SPTB: variants seen among roughly 807,000 people sequenced by gnomAD.
SPTB encodes spectrin beta chain, erythrocytic.
SPTB carries 45 observed loss-of-function variants against 256.2 expected under a neutral mutation model. The ratio of observed to expected loss-of-function variants is 0.18; its 90% CI spans 0.14 to 0.23. The LOEUF is 0.23. Among genes scored for constraint, SPTB ranks in the 10% least tolerant of loss-of-function variants. SPTB has a pLI of 1.00. For missense variants in SPTB, 2,715 were observed against 3,040.4 expected (o/e 0.89, Z 2.52); for synonymous variants, 1,231 against 1,243.1 (o/e 0.99, Z 0.21).
intron 18 of SPTB, 41 bp from the exon 19 acceptor site, chr14:64,784,434 T>C: frequency 6.2e-7 from 1 of 1,612,280 alleles, no homozygotes; most frequent in South Asian, 1.1e-5. Context: ...CTGAGTATAT[T>C]TCTTTGGCAG....
rs1486360369 is a variant in SPTB at position 64,749,747 on chromosome 14, T to A, written c.6777-51A>T. ...ATGGAGACACCTCTGGAGGGGGCGC[T>A]GGGCAGAGGGCTGGCTCTGATCCCA... On this transcript the variant is annotated intron_variant, in intron 34 of 35. Transcript: ENST00000644917. The surrounding 1 kb of genome is among the most constrained non-coding windows in gnomAD (Gnocchi z 4.7). 1.1e-5 allele frequency: 18 copies of A among 1,600,946 alleles called. No individual in the cohort carries two copies. The highest frequency in any genetic ancestry group is 1.5e-5 in the Non-Finnish European group (18 of 1,172,774).
rs1418612849 is a variant in SPTB, at chr14:64,786,806, C to T, written c.3159G>A (p.Gln1053=). Residue 1053 remains glutamine (Q), a synonymous_variant, in exon 16 of 36, where the codon CAG becomes CAA. Transcript: ENST00000644917. The surrounding 1 kb of genome is among the most constrained non-coding windows in gnomAD (Gnocchi z 5.6). ...GGCTGACTTCCCCCAGCAAGTCCTC[C>T]TGGCCCTGCAGGGATTGCTGCAGGC... The part of the protein sequence containing the change: ...WQGLQQSLQG[Q]EDLLGEVSQL... The T allele has an allele frequency of 6.2e-7, 1 of 1,613,974 alleles. No individual in the cohort carries two copies. Among genetic ancestry groups the T allele is most frequent in the African/African-American group, 1.3e-5 (1 of 74,928 alleles).
chr14:64,856,073 A>G (rs1163155057), intron 1 of SPTB, among the ~76,000 whole-genome samples: 1 of 152,234 alleles, frequency 6.6e-6, no homozygotes, highest in Non-Finnish European at 1.5e-5. Flanking sequence ...GGTTCAGGGG[A>G]GGGAAGAAAT....
In SPTB at chr14:64,851,460, C is replaced by CAGTAGT. The variant is rs576232036; in HGVS notation, c.-51-28321_-51-28316dup. On this transcript the variant is annotated intron_variant, in intron 1 of 35. Transcript: ENST00000644917. ...TTAATATCAGTAGCAGTAGCAGTAG[C>CAGTAGT]AGTAGTAGTAGTAGTAGTAGCAGTA... Among the ~76,000 whole-genome samples, 457 of 151,680 alleles carry CAGTAGT rather than the reference C, an allele frequency of 3.0e-3. 1 individual carries two copies. The highest frequency in any genetic ancestry group is 7.9e-3 in the African/African-American group (325 of 41,356).
chr14:64,833,367 A>G (rs556225190), intron 1 of SPTB, among the ~76,000 whole-genome samples: 1 of 152,268 alleles, frequency 6.6e-6, no homozygotes, highest in South Asian at 2.1e-4. Context: ...GCTGGCCAAC[A>G]TGGTGAAACA....
intron 2 of SPTB, among the ~76,000 whole-genome samples, chr14:64,808,325 T>C (rs938466389): frequency 9.2e-5 from 14 of 152,186 alleles, no homozygotes; most frequent in Non-Finnish European, 1.9e-4. Flanking sequence ...TCTGTTCCTT[T>C]CTTTCCCTTT....
Position 64,786,275 on chromosome 14 carries a change from C to T in SPTB, c.3561+129G>A. The T allele has an allele frequency of 7.6e-7, 1 of 1,316,314 alleles. No homozygotes were observed. Among genetic ancestry groups the T allele is most frequent in the Admixed American group, 1.7e-5 (1 of 59,422 alleles). 81.5% of individuals were successfully genotyped at this position (1,316,314 alleles called of 1,614,324 possible). On this transcript the variant is annotated intron_variant, in intron 16 of 35. Transcript: ENST00000644917. The surrounding 1 kb of genome is among the most constrained non-coding windows in gnomAD (Gnocchi z 5.6). ...CCCCTAATGAGAAACAAAGATTTCC[C>T]CCATGAGTGAATACAGAGTACAAGA...
intron 26 of SPTB, among the ~76,000 whole-genome samples, chr14:64,771,493 T>G (rs1290463670): frequency 1.3e-5 from 2 of 152,162 alleles, no homozygotes; most frequent in Non-Finnish European, 2.9e-5. Context: ...CTATTACTAT[T>G]GCTGTTTCTG....
chr14:64,821,555 A>G (rs984597118), intron 2 of SPTB, among the ~76,000 whole-genome samples: 40 of 150,856 alleles, frequency 2.7e-4, no homozygotes, highest in Non-Finnish European at 4.4e-4. Flanking sequence ...GCACAGAGAT[A>G]TAAGAAGGTA....
rs1476345998 is a variant in SPTB at position 64,801,298 on chromosome 14, G to A, written c.750C>T (p.Leu250=). The A allele has an allele frequency of 6.2e-7, 1 of 1,613,852 alleles. No individual in the cohort carries two copies. Among genetic ancestry groups the A allele is most frequent in the East Asian group, 2.2e-5 (1 of 44,886 alleles). The part of the protein sequence containing the change: ...VAERQLGIIP[L]LDPEDVFTEN... ...GGTGTGGCTCACCTTCGGGGTCGAG[G>A]AGCGGGATGATGCCCAGCTGGCGCT... is the stretch of plus-strand genomic sequence containing the variant. Residue 250 remains leucine, a synonymous_variant, in exon 7 of 36, where the codon CTC becomes CTT. Transcript: ENST00000644917.
In SPTB at chr14:64,786,972, G is replaced by A; in HGVS notation, c.2993C>T (p.Ser998Leu). The change falls in exon 16 of 36, where the codon TCA becomes TTA. Residue 998 changes from serine (S) to leucine (L), a missense_variant. Around this residue, in one of 4 missense-constraint regions of SPTB, gnomAD observed 2,239 missense variants for 2,384.4 expected, o/e 0.94. Transcript: ENST00000644917. The surrounding 1 kb of genome is among the most constrained non-coding windows in gnomAD (Gnocchi z 5.6). Reference sequence around the variant, plus strand: ...GGCGGCCACGTCACGCTCCAGCCCTGACAACTTCCTCTGGATGGCGATGAT... The same window carrying A: ...GGCGGCCACGTCACGCTCCAGCCCTAACAACTTCCTCTGGATGGCGATGAT... ...AGIIAIQRKL[S>L]GLERDVAAIQ... 1.2e-6 allele frequency: 2 copies of A among 1,614,046 alleles called. No homozygotes were observed. Among genetic ancestry groups the A allele is most frequent in the Non-Finnish European group, 1.7e-6 (2 of 1,180,026 alleles).
chr14:64,850,970 TTCTG>T (rs1266057473), intron 1 of SPTB, among the ~76,000 whole-genome samples: 5 of 152,202 alleles, frequency 3.3e-5, no homozygotes, highest in East Asian at 1.9e-4. Flanking sequence ...CAGGTCTTCT[TTCTG>T]TCTATGTACA....
At chr14:64,871,026 G>A (rs1035172087) in intron 1 of SPTB, among the ~76,000 whole-genome samples, 6 of 152,220 alleles carry the variant, frequency 3.9e-5, no homozygotes, top group Non-Finnish European at 5.9e-5. Context: ...CAATGTGAAT[G>A]TGCTTATGCC....
chr14:64,754,061 A>C, intron 32 of SPTB: 3 of 565,710 alleles, frequency 5.3e-6, no homozygotes, highest in Non-Finnish European at 6.4e-6. Flanking sequence ...CCAATGTAAC[A>C]TAGCAACGGA....
rs59708222 is a variant in SPTB at position 64,783,208 on chromosome 14, A to ATT, written c.4003-657_4003-656dup. ...GAATCTATATCACTAATAATAGTTAATTTTTTTTTTTTTGAGACAGCGTCT... is the reference window on the plus strand; with the variant it reads ...GAATCTATATCACTAATAATAGTTAATTTTTTTTTTTTTTTGAGACAGCGTCT... On this transcript the variant is annotated intron_variant, in intron 19 of 35. Transcript: ENST00000644917. 2.1e-3 allele frequency among the ~76,000 whole-genome samples: 313 copies of ATT among 146,620 alleles called. 2 individuals are homozygous for ATT. The highest frequency in any genetic ancestry group is 7.0e-3 in the African/African-American group (281 of 40,208).
At chr14:64,820,780 C>T (rs765123728) in intron 2 of SPTB, among the ~76,000 whole-genome samples, 2 of 152,144 alleles carry the variant, frequency 1.3e-5, no homozygotes, top group Non-Finnish European at 1.5e-5. Context: ...AAGCAATTCT[C>T]GTGCCTCAGC....
In SPTB at chr14:64,822,993, G is replaced by A. The variant is rs528882023; in HGVS notation, c.102C>T (p.Asn34=). The A allele has an allele frequency of 1.6e-4, 266 of 1,614,080 alleles. 2 individuals carry two copies. The South Asian group carries it at 2.6e-3, about 16-fold the overall frequency. ...DAPDDELDND[N]SSARLFERSR... ...ACCTCTCAAAGAGCCTGGCTGAGCT[G>A]TTGTCATTATCCAGCTCGTCGTCTG... is the stretch of plus-strand genomic sequence containing the variant. Residue 34 remains asparagine, a synonymous_variant, in exon 2 of 36, where the codon AAC becomes AAT. Transcript: ENST00000644917.
Position 64,796,437 on chromosome 14 carries a change from G to T in SPTB, c.1341+120C>A. The T allele has an allele frequency of 7.7e-7, 1 of 1,301,412 alleles. No homozygotes were observed. Among genetic ancestry groups the T allele is most frequent in the Non-Finnish European group, 1.1e-6 (1 of 907,354 alleles). 80.6% of individuals were successfully genotyped at this position (1,301,412 alleles called of 1,614,324 possible). ...TCTTGATCCACTGGATCACGGGGGA[G>T]CTGTGCTGCAAGGCACGAGGAGAGG... On this transcript the variant is annotated intron_variant, in intron 11 of 35. Coordinates refer to ENST00000644917, the MANE Select transcript of SPTB (RefSeq NM_001355436.2). This position sits in a 1 kb window ranked among gnomAD's most constrained non-coding sequence, Gnocchi z 4.1.
chr14:64,830,459 ACCTCTGC>A (rs2083438026), intron 1 of SPTB, among the ~76,000 whole-genome samples: 1 of 151,416 alleles, frequency 6.6e-6, no homozygotes, highest in Non-Finnish European at 1.5e-5. Context: ...GCTCACTGCA[ACCTCTGC>A]CTTCTGGAGC....
Sources: gnomAD v4.1 joint callset for allele counts (sites outside exome capture counted in the v4.1 genomes callset) on GRCh38, gnomAD v4.1.1 for gene constraint, gnomAD v4.1.1 regional missense constraint, Gnocchi (gnomAD v3.1) non-coding constraint, MANE v1.5 for transcripts, NCBI Gene and HGNC (gene_info 2026-07-23, HGNC 2026-07-21) for gene names.